Variants in DZIP1L observed in about 807,000 individuals in gnomAD.
DZIP1L encodes the protein cilium assembly protein DZIP1L.
Under a neutral mutation model 88.7 loss-of-function variants are expected in DZIP1L, and 90 were observed. The observed-to-expected ratio is 1.02, with a 90% CI of 0.86 to 1.21. The LOEUF (loss-of-function observed/expected upper bound fraction) is 1.21. Among genes scored for constraint, DZIP1L ranks in the 50% most tolerant of loss-of-function variants. DZIP1L has a pLI of 0.00. For synonymous variants in DZIP1L, 363 were observed against 372.1 expected, an observed-to-expected ratio of 0.98 and a Z score of 0.28; for missense variants, 932 against 955.8, an observed-to-expected ratio of 0.98 and a Z score of 0.33.
intron 1 of DZIP1L, chr3:138,112,637 A>G (rs1202208288): frequency 6.6e-6 from 1 of 152,228 alleles, no homozygotes; most frequent in East Asian, 1.9e-4. Flanking sequence ...CTGGGAATAA[A>G]AACACAAGGA....
intron 2 of DZIP1L, among the ~76,000 whole-genome samples, chr3:138,100,022 C>T (rs998654807): frequency 3.3e-5 from 5 of 152,016 alleles, no homozygotes; most frequent in Non-Finnish European, 5.9e-5. Context: ...TGGTGACCAA[C>T]CCCCATCCTT....
intron 2 of DZIP1L, among the ~76,000 whole-genome samples, chr3:138,099,619 T>C (rs1576491138): frequency 6.6e-6 from 1 of 152,050 alleles, no homozygotes. Flanking sequence ...CAGTGGGAGG[T>C]ATCTGGGTCA....
chr3:138,104,850 T>C (rs1394002765), intron 1 of DZIP1L, among the ~76,000 whole-genome samples: 1 of 152,190 alleles, frequency 6.6e-6, no homozygotes, highest in Non-Finnish European at 1.5e-5. Context: ...ATATGAACTG[T>C]TCTCTCTGAA....
intron 11 of DZIP1L, among the ~76,000 whole-genome samples, chr3:138,072,343 C>G (rs1314792671): frequency 2.6e-5 from 4 of 152,096 alleles, no homozygotes; most frequent in Non-Finnish European, 4.4e-5. Flanking sequence ...TGGGAGGGTC[C>G]AGGGAGGCAT....
In DZIP1L at chr3:138,084,274, G is replaced by C. The variant is rs7624693; in HGVS notation, c.1063-21C>G. ...TGTAGCTGGCAGGCACAAGATGGCT[G>C]GTCAGTCAAATGTCTGCAGGGACAT... On this transcript the variant is annotated intron_variant, in intron 7 of 15. Coordinates refer to ENST00000327532, the MANE Select transcript of DZIP1L (RefSeq NM_173543.3). 4.9e-3 allele frequency: 7,856 copies of C among 1,611,126 alleles called. 344 individuals are homozygous for C. The African/African-American group carries it at 0.092, about 19-fold the overall frequency.
At chr3:138,105,897 T>C (rs1365961252) in intron 1 of DZIP1L, among the ~76,000 whole-genome samples, 1 of 152,200 alleles carries the variant, frequency 6.6e-6, no homozygotes, top group Non-Finnish European at 1.5e-5. Flanking sequence ...CTATTAGCAA[T>C]GGCTGCCTCT....
At chr3:138,114,871 A>C (rs967418348) in intron 1 of DZIP1L, among the ~76,000 whole-genome samples, 2 of 152,224 alleles carry the variant, frequency 1.3e-5, no homozygotes, top group African/African-American at 4.8e-5. Context: ...GGAAAGGAAG[A>C]AGGGGAACGA....
Position 138,084,198 on chromosome 3 carries a change from G to T in DZIP1L, c.1118C>A (p.Ala373Glu). The part of the protein sequence containing the change: ...QASLSQDQKK[A>E]AAQSQCQIST... The stretch of plus-strand genomic sequence containing the variant: ...GATCTGGCACTGGGACTGGGCAGCT[G>T]CCTTCTTCTGATCCTGAGACAGGGA... The change falls in exon 8 of 16, where the codon GCA (alanine) becomes GAA (glutamate). Residue 373 changes from alanine (A) to glutamate (E), a missense_variant. Ala to Glu is a moderately radical substitution (Grantham distance 107, BLOSUM62 -1). Transcript: ENST00000327532. 6.2e-7 allele frequency: 1 copy of T among 1,614,226 alleles called. No homozygotes were observed. The highest frequency in any genetic ancestry group is 2.2e-5 in the East Asian group (1 of 44,888).
At chr3:138,072,873 T>C (rs1943242771) in intron 11 of DZIP1L, among the ~76,000 whole-genome samples, 1 of 152,148 alleles carries the variant, frequency 6.6e-6, no homozygotes, top group African/African-American at 2.4e-5. Context: ...TGCGTGGAGA[T>C]GGGCTGAGGC....
chr3:138,081,119 C>T (rs946400307), intron 9 of DZIP1L, among the ~76,000 whole-genome samples: 6 of 152,104 alleles, frequency 3.9e-5, no homozygotes, highest in African/African-American at 1.2e-4. Context: ...CAAGAAAAGG[C>T]AGAAGTGTAG....
chr3:138,110,505 C>G (rs918631855), intron 1 of DZIP1L, among the ~76,000 whole-genome samples: 6 of 151,998 alleles, frequency 3.9e-5, no homozygotes, highest in African/African-American at 7.3e-5. Context: ...TGATTATCAC[C>G]ATAAATCCCT....
At chr3:138,090,321 G>A (rs1340019448) in intron 5 of DZIP1L, among the ~76,000 whole-genome samples, 1 of 152,126 alleles carries the variant, frequency 6.6e-6, no homozygotes, top group Non-Finnish European at 1.5e-5. Flanking sequence ...TGAAGAGGTG[G>A]TTTCTGAACA....
chr3:138,066,900 G>T (rs1255789591), intron 14 of DZIP1L, among the ~76,000 whole-genome samples: 2 of 152,184 alleles, frequency 1.3e-5, no homozygotes, highest in African/African-American at 4.8e-5. Flanking sequence ...CGCTGATCCA[G>T]AAGACAGTGC....
At chr3:138,112,459 G>T (rs187445515) in intron 1 of DZIP1L, 1 of 152,166 alleles carries the variant, frequency 6.6e-6, no homozygotes, top group African/African-American at 2.4e-5. Flanking sequence ...CTGTATTTCA[G>T]CAGGGCTTGT....
In DZIP1L at chr3:138,071,415, A is replaced by G. The variant is rs1319976037; in HGVS notation, c.1615+228T>C. On this transcript the variant is annotated intron_variant, in intron 12 of 15. Transcript: ENST00000327532. ...AGGCTCCAGCTCCGGCTCTCCTCCA[A>G]CTTCCCCGAGTGACCCTGGACAAAT... 3.3e-5 allele frequency among the ~76,000 whole-genome samples: 5 copies of G among 152,072 alleles called. No homozygotes were observed. The East Asian group carries it at 9.7e-4, about 29-fold the overall frequency.
chr3:138,065,634 A>T (rs1209245205), intron 14 of DZIP1L, among the ~76,000 whole-genome samples: 1 of 152,182 alleles, frequency 6.6e-6, no homozygotes, highest in Non-Finnish European at 1.5e-5. Flanking sequence ...GTTTCTGGTG[A>T]ATTCTGATGG....
chr3:138,077,445 C>T (rs1231783314), intron 11 of DZIP1L, 54 bp downstream of exon 11: 53 of 1,605,080 alleles, frequency 3.3e-5, no homozygotes, highest in Admixed American at 8.4e-5. Flanking sequence ...TCTGAGAACA[C>T]TTAGTGTCTA....
chr3:138,075,442 T>C (rs1309308101), intron 11 of DZIP1L, among the ~76,000 whole-genome samples: 4 of 152,082 alleles, frequency 2.6e-5, no homozygotes, highest in African/African-American at 4.8e-5. Context: ...AAAATCGAAA[T>C]TATATCAAGC....
At chr3:138,112,049 TTATGATGA>T (rs1357868878) in intron 1 of DZIP1L, among the ~76,000 whole-genome samples, 2 of 151,912 alleles carry the variant, frequency 1.3e-5, no homozygotes, top group Admixed American at 6.6e-5. Flanking sequence ...TTGAAGATGA[TTATGATGA>T]TATGATGATA....
Sources: allele counts gnomAD v4.1 joint callset (sites outside exome capture counted in the v4.1 genomes callset), GRCh38; gene constraint gnomAD v4.1.1; transcripts MANE v1.5; gene names NCBI Gene and HGNC (gene_info 2026-07-23, HGNC 2026-07-21).